DIP2C: variants seen among roughly 807,000 people sequenced by gnomAD.
The protein encoded by DIP2C is DIP2 acetate--CoA ligase C (putative).
Under a neutral mutation model 192.4 loss-of-function variants are expected in DIP2C, and 33 were observed. That is an observed-to-expected ratio of 0.17 (90% CI 0.13 to 0.23). DIP2C has a LOEUF of 0.23. Ranked by LOEUF, DIP2C falls within the 10% of genes least tolerant of loss-of-function variation. DIP2C has a pLI of 1.00. For synonymous variants in DIP2C, 979 were observed against 864.1 expected (o/e 1.13, Z -2.33); for missense variants, 1,537 against 2,110.1 (o/e 0.73, Z 5.32).
In DIP2C at chr10:496,941, G is replaced by A. The variant is rs765714520; in HGVS notation, c.86-10411C>T. On this transcript the variant is annotated intron_variant, in intron 1 of 36. Coordinates refer to ENST00000280886, the MANE Select transcript of DIP2C (RefSeq NM_014974.3). ...AGATCAAGACCATCCTGGCTAACGC[G>A]GTGAAACTCCATCTCTAGTAAAAAT... Among the ~76,000 whole-genome samples, 10 of 152,270 alleles carry A rather than the reference G, an allele frequency of 6.6e-5. No homozygotes were observed. The South Asian group carries it at 8.3e-4, about 13-fold the overall frequency.
intron 5 of DIP2C, 33 bp downstream of exon 5, chr10:422,791 C>A (rs752527022): frequency 1.3e-6 from 2 of 1,594,064 alleles, no homozygotes; most frequent in South Asian, 1.1e-5. Context: ...GTTTACACAA[C>A]AGGCACAGAA....
chr10:612,802 A>G (rs373141459), intron 1 of DIP2C, among the ~76,000 whole-genome samples: 317 of 152,276 alleles, frequency 2.1e-3, no homozygotes, highest in African/African-American at 6.0e-3. Context: ...TGAGACAAAT[A>G]TTGACGCTCC....
chr10:597,888 G>A (rs1851810212), intron 1 of DIP2C, among the ~76,000 whole-genome samples: 1 of 151,930 alleles, frequency 6.6e-6, no homozygotes, highest in Non-Finnish European at 1.5e-5. Context: ...GAGAAACCAG[G>A]AGGTCTGAAC....
chr10:498,767 C>A (rs984783783), intron 1 of DIP2C, among the ~76,000 whole-genome samples: 1 of 152,204 alleles, frequency 6.6e-6, no homozygotes, highest in Non-Finnish European at 1.5e-5. Context: ...TGAGCCAGGA[C>A]CCCACTCACC....
chr10:419,880 C>T (rs1966061723), intron 5 of DIP2C, among the ~76,000 whole-genome samples: 1 of 152,198 alleles, frequency 6.6e-6, no homozygotes, highest in Admixed American at 6.5e-5. Context: ...TCTCTTACAG[C>T]ACCCCCTGGA....
intron 1 of DIP2C, among the ~76,000 whole-genome samples, chr10:588,693 C>G (rs546974333): frequency 6.6e-6 from 1 of 152,208 alleles, no homozygotes; most frequent in African/African-American, 2.4e-5. Flanking sequence ...AGGCAGCCTT[C>G]GAGCTCCTCC....
intron 1 of DIP2C, among the ~76,000 whole-genome samples, chr10:550,460 G>A (rs1848525500): frequency 6.6e-6 from 1 of 152,192 alleles, no homozygotes; most frequent in Admixed American, 6.5e-5. Context: ...AAGGATCTAT[G>A]GACAAAGTGG....
intron 1 of DIP2C, among the ~76,000 whole-genome samples, chr10:518,465 C>G (rs574718683): frequency 5.3e-5 from 8 of 152,232 alleles, no homozygotes; most frequent in Non-Finnish European, 1.0e-4. Flanking sequence ...ATCCTCACCC[C>G]CAACGTGACA....
chr10:329,472 C>T lies in DIP2C; in HGVS notation c.3714G>A (p.Leu1238=), dbSNP rs1049899535. 1 of 1,614,134 alleles carries T rather than the reference C, an allele frequency of 6.2e-7. No homozygotes were observed. Among genetic ancestry groups the T allele is most frequent in the Non-Finnish European group, 8.5e-7 (1 of 1,180,008 alleles). Residue 1238 remains leucine, a synonymous_variant, in exon 30 of 37, where the codon CTG becomes CTA. Transcript: ENST00000280886. The part of the protein sequence containing the change: ...DTFCSYSVME[L]CTKGLGSQTE... ...TTTGCGAGCCCAGCCCCTTGGTGCA[C>T]AGCTCCATCACGGAGTAGGAGCAAA...
At chr10:610,283 T>C (rs1279909420) in intron 1 of DIP2C, among the ~76,000 whole-genome samples, 1 of 152,060 alleles carries the variant, frequency 6.6e-6, no homozygotes, top group East Asian at 1.9e-4. Flanking sequence ...AGGCCAAAAG[T>C]AGGTGGTCAG....
chr10:599,820 T>C lies in DIP2C; in HGVS notation c.85+89674A>G, dbSNP rs181397899. Among the ~76,000 whole-genome samples, 11 of 152,314 alleles carry C rather than the reference T, an allele frequency of 7.2e-5. No individual in the cohort carries two copies. The East Asian group carries it at 1.4e-3, about 19-fold the overall frequency. ...GAGGGGACGAGCTGTGTTTTAAGCA[T>C]GAACAGACTTTCCTCCATGCACTGA... On this transcript the variant is annotated intron_variant, in intron 1 of 36. Transcript: ENST00000280886.
rs1183527083 is a variant in DIP2C, at chr10:390,797, C to A, written c.1327G>T (p.Asp443Tyr). 1 of 1,614,038 alleles carries A rather than the reference C, an allele frequency of 6.2e-7. No individual in the cohort carries two copies. Among genetic ancestry groups the A allele is most frequent in the Non-Finnish European group, 8.5e-7 (1 of 1,180,034 alleles). ...TTTGGAAGTCCTTTATGGCAGGCGT[C>A]ACTAGTCAAGGCTACAGTAACTCCA... Reference protein sequence around the residue: ...SCGVTVALTSDACHKGLPKSP... With the variant: ...SCGVTVALTSYACHKGLPKSP... Residue 443 changes from aspartate to tyrosine, a missense_variant, in exon 11 of 37, where the codon GAC becomes TAC. By Grantham distance (160) the Asp-to-Tyr change is radical. Around this residue, in one of 4 missense-constraint regions of DIP2C, gnomAD observed 677 missense variants for 989.9 expected, o/e 0.68. Transcript: ENST00000280886.
chr10:457,160 C>A (rs563856587), intron 3 of DIP2C, among the ~76,000 whole-genome samples: 2 of 152,128 alleles, frequency 1.3e-5, no homozygotes, highest in Admixed American at 6.5e-5. Context: ...AGAGGACAAG[C>A]GTGATGACTT....
chr10:527,786 T>A (rs528223486), intron 1 of DIP2C, among the ~76,000 whole-genome samples: 1 of 152,284 alleles, frequency 6.6e-6, no homozygotes, highest in Non-Finnish European at 1.5e-5. Context: ...AGAAAATCCA[T>A]AAGAAAGTCA....
chr10:309,734 G>A (rs988624419), intron 32 of DIP2C, among the ~76,000 whole-genome samples: 2 of 151,982 alleles, frequency 1.3e-5, no homozygotes, highest in African/African-American at 4.8e-5. Flanking sequence ...AATTTTTAGT[G>A]GAGACGGGGC....
At position 556,753 on chromosome 10, in the gene DIP2C, C is replaced by T. The variant is rs116957129; in HGVS notation, c.86-70223G>A. 2.8e-4 allele frequency among the ~76,000 whole-genome samples: 42 copies of T among 152,274 alleles called. No homozygotes were observed. In the East Asian group the frequency reaches 7.4e-3, roughly 27 times the overall value. On this transcript the variant is annotated intron_variant, in intron 1 of 36. Transcript: ENST00000280886. Reference sequence around the variant, plus strand: ...CCAACACCTACCACATTGAAAACAACGTTTTTTCTTGATGCATCAAGCGAA... The same window carrying T: ...CCAACACCTACCACATTGAAAACAATGTTTTTTCTTGATGCATCAAGCGAA...
At chr10:555,287 T>TC in intron 1 of DIP2C, among the ~76,000 whole-genome samples, 1 of 152,266 alleles carries the variant, frequency 6.6e-6, no homozygotes, top group South Asian at 2.1e-4. Flanking sequence ...TTATTGTTTT[T>TC]CAGTTTTAAG....
intron 29 of DIP2C, chr10:340,571 G>A (rs1958094926): frequency 2.8e-6 from 1 of 354,568 alleles, no homozygotes; most frequent in African/African-American, 2.1e-5. Flanking sequence ...ATTGTTGATG[G>A]CTTTATTTTC....
chr10:332,318 G>A (rs550330932), intron 29 of DIP2C, among the ~76,000 whole-genome samples: 1 of 152,304 alleles, frequency 6.6e-6, no homozygotes, highest in South Asian at 2.1e-4. Flanking sequence ...CAACGGGCTT[G>A]GGAACCCAGT....
Sources: gnomAD v4.1 joint callset for allele counts (sites outside exome capture counted in the v4.1 genomes callset) on GRCh38, gnomAD v4.1.1 for gene constraint, gnomAD v4.1.1 regional missense constraint, MANE v1.5 for transcripts, NCBI Gene and HGNC (gene_info 2026-07-23, HGNC 2026-07-21) for gene names.